DIDO1: variants seen among roughly 807,000 people sequenced by gnomAD.
The protein encoded by DIDO1 is death inducer-obliterator 1, also known as death-inducer obliterator 1.
Under a neutral mutation model 99.4 loss-of-function variants are expected in DIDO1, and 16 were observed. The ratio of observed to expected loss-of-function variants is 0.16; its 90% CI spans 0.11 to 0.24. DIDO1 has a LOEUF of 0.24. DIDO1 is among the 10% of genes least tolerant of loss of function. The pLI, the probability that DIDO1 is intolerant of heterozygous loss-of-function variation, is 1.00. For synonymous variants in DIDO1, 1,366 were observed against 1,239.1 expected (o/e 1.10, Z -2.15); for missense variants, 2,996 against 3,014.0 (o/e 0.99, Z 0.14).
At chr20:62,882,915 C>CG (rs1491565829) in intron 15 of DIDO1, among the ~76,000 whole-genome samples, 1 of 81,358 alleles carries the variant, frequency 1.2e-5, no homozygotes, top group Admixed American at 1.7e-4. Flanking sequence ...AACAAACAGC[C>CG]TTTTTTTTTT....
chr20:62,880,632 C>T lies in DIDO1; in HGVS notation c.5324G>A (p.Arg1775Lys). The T allele has an allele frequency of 6.2e-7, 1 of 1,612,918 alleles. No homozygotes were observed. Among genetic ancestry groups the T allele is most frequent in the South Asian group, 1.1e-5 (1 of 91,088 alleles). The change falls in exon 16 of 16, where the codon AGG (arginine) becomes AAG (lysine). Residue 1775 changes from arginine to lysine, a missense_variant. Physicochemically the swap from Arg to Lys is conservative, Grantham distance 26. Transcript: ENST00000395343. ...TTCTGGAAACGGAGGGGCTGGCCCC[C>T]TTGGTCCCGGGAAATTGGGGCCGTG... ...GLHGPNFPGP[R>K]GPAPPFPEEN...
chr20:62,922,088 TATATATACAC>T, intron 1 of DIDO1, among the ~76,000 whole-genome samples: 1 of 136,698 alleles, frequency 7.3e-6, no homozygotes, highest in Non-Finnish European at 1.6e-5. Context: ...ATATACACAC[TATATATACAC>T]ACTATATATA....
chr20:62,889,560 A>C, intron 15 of DIDO1: 1 of 985,462 alleles, frequency 1.0e-6, no homozygotes, highest in Non-Finnish European at 1.2e-6. Context: ...CACTGAGTGC[A>C]CACACTGTCG....
chr20:62,887,173 G>C, intron 15 of DIDO1: 1 of 985,500 alleles, frequency 1.0e-6, no homozygotes, highest in Non-Finnish European at 1.2e-6. Context: ...TAGGTGACCA[G>C]GAGCCACCAA....
At chr20:62,916,169 G>A (rs1375365251) in intron 1 of DIDO1, among the ~76,000 whole-genome samples, 5 of 152,110 alleles carry the variant, frequency 3.3e-5, no homozygotes, top group Admixed American at 2.0e-4. Flanking sequence ...CATCACAGGG[G>A]GAATGTGTTC....
At position 62,881,928 on chromosome 20, in the gene DIDO1, G is replaced by C; in HGVS notation, c.4028C>G (p.Pro1343Arg). ...CTCTGCTGTGGTTTTGGGCTCCTGG[G>C]GGAGACCTGCGGTGGACCCGGGAGG... ...REPPGSTAGL[P>R]QEPKTTAEDG... Residue 1343 changes from proline (P) to arginine (R), a missense_variant, in exon 16 of 16, where the codon CCC becomes CGC. By Grantham distance (103) the Pro-to-Arg change is moderately radical. Transcript: ENST00000395343. The surrounding 1 kb of genome is among the most constrained non-coding windows in gnomAD (Gnocchi z 8.3). 3 of 1,613,440 alleles carry C rather than the reference G, an allele frequency of 1.9e-6. No homozygotes were observed. Among genetic ancestry groups the C allele is most frequent in the Non-Finnish European group, 2.5e-6 (3 of 1,180,038 alleles).
chr20:62,883,868 G>C (rs546184502), intron 15 of DIDO1, among the ~76,000 whole-genome samples: 8 of 152,188 alleles, frequency 5.3e-5, no homozygotes, highest in Non-Finnish European at 2.9e-5. Flanking sequence ...AGCCAGGCGT[G>C]GTGGCGTGTG....
chr20:62,928,261 G>A (rs958958278), upstream of DIDO1, among the ~76,000 whole-genome samples: 2 of 152,092 alleles, frequency 1.3e-5, no homozygotes, highest in South Asian at 4.1e-4. Context: ...TGGACAAGGC[G>A]GCTCAGGGAC....
Position 62,890,620 on chromosome 20 carries a change from CAG to C in DIDO1, c.3541+338_3541+339del, listed in dbSNP as rs1485096852. 3.0e-5 allele frequency: 35 copies of C among 1,175,340 alleles called. No individual in the cohort carries two copies. The African/African-American group carries it at 5.2e-4, about 17-fold the overall frequency. The allele number at this position is 1,175,340 out of a possible 1,614,324, so 72.8% of individuals were successfully genotyped here. On this transcript the variant is annotated intron_variant, in intron 15 of 15. Coordinates refer to ENST00000395343, the MANE Select transcript of DIDO1 (RefSeq NM_001193369.2). ...TCCCGAGTCTGTCTAGAGGAAAGAG[CAG>C]GGCCGCTGGGAGTGTCACCTCCCTT...
intron 15 of DIDO1, chr20:62,888,594 G>A (rs1434155055): frequency 1.0e-6 from 1 of 985,414 alleles, no homozygotes; most frequent in Non-Finnish European, 1.2e-6. Context: ...AGGGCTTCTG[G>A]GCTATCTCCG....
In DIDO1 at chr20:62,892,968, A is replaced by C; in HGVS notation, c.3102-6T>G. On this transcript the variant is annotated splice_polypyrimidine_tract_variant and splice_region_variant and intron_variant, in intron 12 of 15. Transcript: ENST00000395343. ...GGGAACGTGATTCTGAAGTGCTGTA[A>C]AACAAAACCATAAAAAAAAAGTCAA... The C allele has an allele frequency of 6.2e-7, 1 of 1,600,114 alleles. No homozygotes were observed. Among genetic ancestry groups the C allele is most frequent in the Admixed American group, 1.7e-5 (1 of 57,246 alleles).
chr20:62,889,362 A>C, intron 15 of DIDO1: 6 of 953,644 alleles, frequency 6.3e-6, no homozygotes, highest in Non-Finnish European at 7.3e-6. Context: ...CTCGCTCAAC[A>C]CCCTACAACC....
rs533692626 is a variant in DIDO1 at position 62,894,690 on chromosome 20, T to C, written c.2436+120A>G. The C allele has an allele frequency of 1.5e-5, 21 of 1,405,432 alleles. No homozygotes were observed. The East Asian group carries it at 4.5e-4, about 30-fold the overall frequency. 87.1% of individuals were successfully genotyped at this position (1,405,432 alleles called of 1,614,324 possible). On this transcript the variant is annotated intron_variant, in intron 10 of 15. Coordinates refer to ENST00000395343, the MANE Select transcript of DIDO1 (RefSeq NM_001193369.2). This position sits in a 1 kb window ranked among gnomAD's most constrained non-coding sequence, Gnocchi z 4.4. ...ACCATCTAATACAAGGACTGAGGAA[T>C]GCCACAATGACATACACCTGCTGTA...
chr20:62,893,557 G>A, intron 12 of DIDO1, 109 bp downstream of exon 12: 1 of 1,294,564 alleles, frequency 7.7e-7, no homozygotes. Context: ...GAGTGAAGCT[G>A]TATTTCAGGT....
At position 62,911,089 on chromosome 20, in the gene DIDO1, T is replaced by C. The variant is rs752082371; in HGVS notation, c.524A>G (p.Glu175Gly). The C allele has an allele frequency of 4.3e-6, 7 of 1,613,944 alleles. No individual in the cohort carries two copies. The highest frequency in any genetic ancestry group is 5.9e-6 in the Non-Finnish European group (7 of 1,180,042). ...QNRLRRKREQ[E>G]PTERPLKGIQ... ...CCCTTTCAGGGGCCTCTCAGTGGGC[T>C]CCTGTTCCCGCTTCCTGCGAAGGCG... The change falls in exon 3 of 16, where the codon GAG becomes GGG. Residue 175 changes from glutamate to glycine, a missense_variant. By Grantham distance (98) the Glu-to-Gly change is moderately conservative. Around this residue, in one of 5 missense-constraint regions of DIDO1, gnomAD observed 388 missense variants for 376.6 expected, o/e 1.03. Transcript: ENST00000395343. The surrounding 1 kb of genome is among the most constrained non-coding windows in gnomAD (Gnocchi z 7.0).
At position 62,896,596 on chromosome 20, in the gene DIDO1, T is replaced by C; in HGVS notation, c.1989A>G (p.Pro663=). The part of the protein sequence containing the change: ...PGRLGAMSAA[P]SQPNSQIRQN... ...GCCGAATTTGTGAATTTGGCTGCGA[T>C]GGTGCAGCACTCATAGCCCCAAGGC... is the stretch of plus-strand genomic sequence containing the variant. The change falls in exon 7 of 16, where the codon CCA becomes CCG. Residue 663 remains proline (P), a synonymous_variant. Transcript: ENST00000395343. This position sits in a 1 kb window ranked among gnomAD's most constrained non-coding sequence, Gnocchi z 4.4. The C allele has an allele frequency of 2.5e-6, 4 of 1,600,326 alleles. No homozygotes were observed. Among genetic ancestry groups the C allele is most frequent in the African/African-American group, 1.3e-5 (1 of 74,256 alleles).
At chr20:62,919,410 G>A (rs895814977) in intron 1 of DIDO1, among the ~76,000 whole-genome samples, 1 of 152,088 alleles carries the variant, frequency 6.6e-6, no homozygotes, top group Non-Finnish European at 1.5e-5. Flanking sequence ...CTTGGTGGCA[G>A]GTGCCTGTAG....
At chr20:62,907,502 ATTT>A in intron 4 of DIDO1, 143 bp from the exon 5 acceptor site, 3 of 816,548 alleles carry the variant, frequency 3.7e-6, no homozygotes, top group Non-Finnish European at 5.7e-6. Flanking sequence ...ATGAATAAAC[ATTT>A]TGTTGATTCA....
Position 62,880,271 on chromosome 20 carries a change from T to A in DIDO1, c.5685A>T (p.Pro1895=). ...GGGGGCCTTTCAGCTGAGACAGCAG[T>A]GGCCTTCTCTGGCCTCCGAACTGGA... ...APFQFGGQRR[P]LLSQLKGPRG... Residue 1895 remains proline, a synonymous_variant, in exon 16 of 16, where the codon CCA becomes CCT. Coordinates refer to ENST00000395343, the MANE Select transcript of DIDO1 (RefSeq NM_001193369.2). 1.2e-6 allele frequency: 2 copies of A among 1,612,672 alleles called. No individual in the cohort carries two copies.
Sources: allele counts gnomAD v4.1 joint callset (sites outside exome capture counted in the v4.1 genomes callset), GRCh38; gene constraint gnomAD v4.1.1; regional missense constraint gnomAD v4.1.1; non-coding constraint Gnocchi (gnomAD v3.1); transcripts MANE v1.5; gene names NCBI Gene and HGNC (gene_info 2026-07-23, HGNC 2026-07-21).